TTLL5: variants seen among roughly 807,000 people sequenced by gnomAD.
TTLL5 encodes tubulin tyrosine ligase like 5, also known as tubulin polyglutamylase TTLL5.
Under a neutral mutation model 168.4 loss-of-function variants are expected in TTLL5, and 132 were observed. That is an observed-to-expected ratio of 0.78 (90% confidence interval 0.68 to 0.91). TTLL5 has a LOEUF of 0.91. TTLL5 is among the 40% of genes least tolerant of loss of function. TTLL5 has a pLI of 0.00. For missense variants in TTLL5, 1,545 were observed against 1,581.5 expected (o/e 0.98, Z 0.39); for synonymous variants, 546 against 558.6 (o/e 0.98, Z 0.32).
At chr14:75,916,712 G>T (rs950769668) in intron 31 of TTLL5, among the ~76,000 whole-genome samples, 2 of 152,194 alleles carry the variant, frequency 1.3e-5, no homozygotes, top group Non-Finnish European at 2.9e-5. Context: ...AGAATTGAAA[G>T]CAGAGACAGA....
intron 3 of TTLL5, among the ~76,000 whole-genome samples, chr14:75,669,972 C>T (rs576484217): frequency 5.9e-5 from 9 of 152,272 alleles, no homozygotes; most frequent in African/African-American, 2.2e-4. Context: ...TATAGATTCC[C>T]ATATTCTGGA....
intron 5 of TTLL5, chr14:75,683,963 G>T (rs941445667): frequency 2.2e-5 from 6 of 268,404 alleles, no homozygotes; most frequent in Non-Finnish European, 3.7e-5. Flanking sequence ...TGGGAGAGAC[G>T]AGGTTTCGCC....
chr14:75,894,761 G>T (rs1232731045), intron 30 of TTLL5, among the ~76,000 whole-genome samples: 1 of 152,086 alleles, frequency 6.6e-6, no homozygotes, highest in African/African-American at 2.4e-5. Flanking sequence ...ACAAAAGATA[G>T]ACAATAAAAG....
chr14:75,813,270 TTGTGTGTGTGTGTGTGTGTGTGTG>T (rs58821426), intron 27 of TTLL5, among the ~76,000 whole-genome samples: 80 of 130,726 alleles, frequency 6.1e-4, no homozygotes, highest in Non-Finnish European at 1.1e-3. Context: ...GTGTGTGTGT[TTGTGTGTGTGTGTGTGTGTGTGTG>T]TGTGTGTGTG....
At chr14:75,745,703 T>A (rs1254002954) in intron 17 of TTLL5, 122 bp downstream of exon 17, 2 of 740,484 alleles carry the variant, frequency 2.7e-6, no homozygotes, top group East Asian at 5.4e-5. Context: ...ATTTATAATA[T>A]GATAAATATT....
intron 28 of TTLL5, among the ~76,000 whole-genome samples, chr14:75,843,675 G>A (rs1896377108): frequency 6.6e-6 from 1 of 152,112 alleles, no homozygotes; most frequent in African/African-American, 2.4e-5. Context: ...TGTAACATGA[G>A]GCAAGGTTAA....
chr14:75,716,844 T>G (rs1887499929), intron 9 of TTLL5, among the ~76,000 whole-genome samples: 1 of 152,200 alleles, frequency 6.6e-6, no homozygotes, highest in Admixed American at 6.5e-5. Context: ...TTGACAACAG[T>G]CCGGGATATC....
At chr14:75,824,174 A>G (rs1430586060) in intron 28 of TTLL5, among the ~76,000 whole-genome samples, 4 of 152,146 alleles carry the variant, frequency 2.6e-5, no homozygotes. Flanking sequence ...ATAAAACAGA[A>G]TGGTTCCCAA....
At chr14:75,710,264 GAAC>G (rs1308308240) in intron 9 of TTLL5, 2 of 152,162 alleles carry the variant, frequency 1.3e-5, no homozygotes. Flanking sequence ...CACAACATGA[GAAC>G]AACAGTACCA....
chr14:75,866,127 A>G (rs1378232112), intron 29 of TTLL5, among the ~76,000 whole-genome samples: 1 of 152,222 alleles, frequency 6.6e-6, no homozygotes, highest in Non-Finnish European at 1.5e-5. Context: ...TCTAACAGGA[A>G]GAATATGTAG....
intron 28 of TTLL5, among the ~76,000 whole-genome samples, chr14:75,848,285 C>G (rs983738531): frequency 6.6e-6 from 1 of 151,968 alleles, no homozygotes; most frequent in African/African-American, 2.4e-5. Flanking sequence ...TGTTTATGTG[C>G]ACTAGGTTTG....
intron 2 of TTLL5, among the ~76,000 whole-genome samples, chr14:75,669,074 T>G (rs995416201): frequency 6.6e-6 from 1 of 152,198 alleles, no homozygotes; most frequent in African/African-American, 2.4e-5. Context: ...GTAGCCATTA[T>G]AGAAGAGAAA....
At chr14:75,893,850 C>A (rs371256678) in intron 30 of TTLL5, among the ~76,000 whole-genome samples, 2 of 142,658 alleles carry the variant, frequency 1.4e-5, no homozygotes, top group Non-Finnish European at 1.5e-5. Flanking sequence ...ATAGTGAAGG[C>A]AAAATAATTT....
intron 20 of TTLL5, among the ~76,000 whole-genome samples, chr14:75,767,560 C>T (rs1034553251): frequency 1.3e-5 from 2 of 152,068 alleles, no homozygotes; most frequent in Non-Finnish European, 2.9e-5. Context: ...TCGTAATGAG[C>T]TTGGTGTGTT....
Position 75,666,931 on chromosome 14 carries a change from T to C in TTLL5, c.75-2485T>C, listed in dbSNP as rs548578497. Among the ~76,000 whole-genome samples the C allele has an allele frequency of 1.1e-3, 174 of 152,364 alleles. No homozygotes were observed. The Middle Eastern group carries it at 0.024, about 21-fold the overall frequency. On this transcript the variant is annotated intron_variant, in intron 2 of 31. Transcript: ENST00000298832. Reference sequence around the variant, plus strand: ...TTTTCATGCCTATAAAAGTGGATTTTAATATGTACCAGTTTCTGATGTGAA... The same window carrying C: ...TTTTCATGCCTATAAAAGTGGATTTCAATATGTACCAGTTTCTGATGTGAA...
chr14:75,927,704 T>C (rs547160841), intron 31 of TTLL5, among the ~76,000 whole-genome samples: 66 of 152,296 alleles, frequency 4.3e-4, no homozygotes, highest in African/African-American at 1.5e-3. Flanking sequence ...GTGGTGTGCC[T>C]AGGGGACAGC....
intron 11 of TTLL5, 47 bp downstream of exon 11, chr14:75,719,873 C>T (rs371610387): frequency 3.2e-6 from 5 of 1,553,584 alleles, no homozygotes; most frequent in Non-Finnish European, 4.4e-6. Flanking sequence ...CTTTGGATAA[C>T]TTTATCATTG....
intron 3 of TTLL5, among the ~76,000 whole-genome samples, chr14:75,671,953 A>G (rs1883786153): frequency 6.6e-6 from 1 of 152,208 alleles, no homozygotes. Flanking sequence ...TTTTGATCAT[A>G]GGAAGAAAGC....
rs752741850 is a variant in TTLL5 at position 75,735,230 on chromosome 14, A to G, written c.1222A>G (p.Thr408Ala). ...CCAAGATCCTGCCCAGCGGGCATCA[A>G]CTCGGCCAATTTATCCCACCTTTGA... ...VCQDPAQRAS[T>A]RPIYPTFESS... The change falls in exon 15 of 32, where the codon ACT becomes GCT. Residue 408 changes from threonine to alanine, a missense_variant. Coordinates refer to ENST00000298832, the MANE Select transcript of TTLL5 (RefSeq NM_015072.5). The G allele has an allele frequency of 3.9e-5, 63 of 1,614,184 alleles. No individual in the cohort carries two copies. Among genetic ancestry groups the G allele is most frequent in the Non-Finnish European group, 4.9e-5 (58 of 1,179,982 alleles).
Sources: gnomAD v4.1 joint callset for allele counts (sites outside exome capture counted in the v4.1 genomes callset) on GRCh38, gnomAD v4.1.1 for gene constraint, MANE v1.5 for transcripts, NCBI Gene and HGNC (gene_info 2026-07-23, HGNC 2026-07-21) for gene names.